The following PLEKHM3 variants were observed in gnomAD, a reference collection of about 807,000 sequenced individuals.
The protein encoded by PLEKHM3 is pleckstrin homology domain-containing family M member 3.
In PLEKHM3, 45 loss-of-function variants were observed where a neutral mutation model predicts 81.8. That is an observed-to-expected ratio of 0.55 (90% CI 0.43 to 0.71). The LOEUF (loss-of-function observed/expected upper bound fraction) is 0.71. Ranked by LOEUF, PLEKHM3 falls within the 30% of genes least tolerant of loss-of-function variation. The pLI, the probability that PLEKHM3 is intolerant of heterozygous loss-of-function variation, is 0.00. For missense variants in PLEKHM3, 788 were observed against 924.3 expected (o/e 0.85, Z 1.91); for synonymous variants, 352 against 356.4 (o/e 0.99, Z 0.14).
At chr2:207,924,072 A>C (rs1386705810) in intron 5 of PLEKHM3, among the ~76,000 whole-genome samples, 1 of 150,010 alleles carries the variant, frequency 6.7e-6, no homozygotes, top group Non-Finnish European at 1.5e-5. Flanking sequence ...TGCCCTGCTA[A>C]TTTTTGTATT....
rs1163987591 is a variant in PLEKHM3, at chr2:207,977,196, G to A, written c.1001C>T (p.Thr334Ile). 5.6e-6 allele frequency: 9 copies of A among 1,614,042 alleles called. No individual in the cohort carries two copies. The highest frequency in any genetic ancestry group is 7.6e-6 in the Non-Finnish European group (9 of 1,180,032). Residue 334 changes from threonine (T) to isoleucine (I), a missense_variant, in exon 3 of 8, where the codon ACA becomes ATA. Physicochemically the swap from Thr to Ile is moderately conservative, Grantham distance 89. Coordinates refer to ENST00000427836, the MANE Select transcript of PLEKHM3 (RefSeq NM_001080475.3). ...SPGLGHHDDY[T>I]QNHSFQKKTS... ...TTTCTTCTGGAAACTATGATTCTGT[G>A]TATAGTCATCATGATGGCCAAGCCC...
At chr2:207,917,201 A>G (rs1689020963) in intron 5 of PLEKHM3, among the ~76,000 whole-genome samples, 1 of 152,232 alleles carries the variant, frequency 6.6e-6, no homozygotes. Context: ...TCTGCAGCTA[A>G]TCTGTTAAGG....
intron 6 of PLEKHM3, among the ~76,000 whole-genome samples, chr2:207,892,229 C>T (rs1046607156): frequency 1.3e-5 from 2 of 152,160 alleles, no homozygotes; most frequent in East Asian, 1.9e-4. Context: ...AAATAGACTC[C>T]GTAAGTCATG....
intron 2 of PLEKHM3, among the ~76,000 whole-genome samples, chr2:207,980,850 C>T (rs570715187): frequency 1.5e-4 from 23 of 152,156 alleles, no homozygotes; most frequent in East Asian, 5.8e-4. Context: ...AAGAATCGGC[C>T]GGGCACGGTG....
At chr2:207,925,153 T>G (rs1179225476) in intron 5 of PLEKHM3, among the ~76,000 whole-genome samples, 2 of 151,558 alleles carry the variant, frequency 1.3e-5, no homozygotes, top group Non-Finnish European at 3.0e-5. Flanking sequence ...TTTTGTTTTT[T>G]TTTTTTAGTG....
Position 207,843,961 on chromosome 2 carries a change from T to C in PLEKHM3, c.2109-15465A>G, listed in dbSNP as rs1435970704. 6.6e-6 allele frequency among the ~76,000 whole-genome samples: 1 copy of C among 151,960 alleles called. No individual in the cohort carries two copies. Among genetic ancestry groups the C allele is most frequent in the African/African-American group, 2.4e-5 (1 of 41,352 alleles). On this transcript the variant is annotated intron_variant, in intron 7 of 7. Transcript: ENST00000427836. This position sits in a 1 kb window ranked among gnomAD's most constrained non-coding sequence, Gnocchi z 4.4. Reference sequence around the variant, plus strand: ...AACCAAGCATGGTGGCGTGCATCTGTAGTCCCAGTTACCTGGGAGGCTGAG... The same window carrying C: ...AACCAAGCATGGTGGCGTGCATCTGCAGTCCCAGTTACCTGGGAGGCTGAG...
chr2:208,018,605 C>T (rs1249884682), intron 1 of PLEKHM3, among the ~76,000 whole-genome samples: 1 of 152,120 alleles, frequency 6.6e-6, no homozygotes, highest in African/African-American at 2.4e-5. Context: ...GAATTCTCAT[C>T]TACAGCATTG....
intron 1 of PLEKHM3, among the ~76,000 whole-genome samples, chr2:208,002,902 T>C (rs1374473729): frequency 1.3e-5 from 2 of 151,108 alleles, no homozygotes; most frequent in African/African-American, 4.9e-5. Flanking sequence ...ATATACCTTT[T>C]ACCAGGAAAA....
intron 1 of PLEKHM3, among the ~76,000 whole-genome samples, chr2:208,009,064 T>TG (rs1010856938): frequency 1.3e-5 from 2 of 152,096 alleles, no homozygotes; most frequent in African/African-American, 2.4e-5. Context: ...GTGCCTACTA[T>TG]GGGGGGGACA....
intron 6 of PLEKHM3, among the ~76,000 whole-genome samples, chr2:207,870,456 A>G (rs1038727182): frequency 6.6e-6 from 1 of 152,232 alleles, no homozygotes; most frequent in Non-Finnish European, 1.5e-5. Context: ...GTCTAACCAA[A>G]AGACCCAATT....
intron 5 of PLEKHM3, among the ~76,000 whole-genome samples, chr2:207,910,819 G>A (rs1688788323): frequency 6.6e-6 from 1 of 152,164 alleles, no homozygotes; most frequent in Admixed American, 6.5e-5. Flanking sequence ...CAAGGCATGT[G>A]AGAGTCTGTT....
intron 7 of PLEKHM3, among the ~76,000 whole-genome samples, chr2:207,836,314 A>ACT (rs4024192): frequency 7.0e-6 from 1 of 143,470 alleles, no homozygotes; most frequent in Non-Finnish European, 1.5e-5. Context: ...ACAGAGAGAG[A>ACT]GTCTAAAAAA....
chr2:207,941,798 G>A (rs149443651), intron 4 of PLEKHM3, among the ~76,000 whole-genome samples: 112 of 152,242 alleles, frequency 7.4e-4, no homozygotes, highest in African/African-American at 2.3e-3. Context: ...ATTTTAAAAC[G>A]AGCAAAAGAT....
intron 5 of PLEKHM3, chr2:207,929,793 CTTT>C: frequency 1.7e-6 from 1 of 573,234 alleles, no homozygotes; most frequent in South Asian, 2.4e-5. Context: ...ACATTTAGTT[CTTT>C]TTTAGATGCC....
intron 4 of PLEKHM3, among the ~76,000 whole-genome samples, chr2:207,933,930 C>A (rs1177282325): frequency 6.6e-6 from 1 of 152,130 alleles, no homozygotes; most frequent in Non-Finnish European, 1.5e-5. Flanking sequence ...TTTTGAGAAT[C>A]AGCCACTAAT....
chr2:207,912,905 A>C (rs781063804), intron 5 of PLEKHM3, among the ~76,000 whole-genome samples: 3 of 152,120 alleles, frequency 2.0e-5, no homozygotes, highest in Non-Finnish European at 4.4e-5. Context: ...AAGACCAAAC[A>C]CAGGGAAACT....
At chr2:207,928,790 T>C (rs1480218346) in intron 5 of PLEKHM3, among the ~76,000 whole-genome samples, 1 of 152,232 alleles carries the variant, frequency 6.6e-6, no homozygotes, top group Non-Finnish European at 1.5e-5. Context: ...GGGTAGTGTA[T>C]TAGAAGTAAA....
At chr2:207,964,969 C>G (rs1233034381) in intron 3 of PLEKHM3, among the ~76,000 whole-genome samples, 1 of 152,076 alleles carries the variant, frequency 6.6e-6, no homozygotes, top group Non-Finnish European at 1.5e-5. Flanking sequence ...TAAGTTGGTA[C>G]TGCTATATTA....
intron 7 of PLEKHM3, among the ~76,000 whole-genome samples, chr2:207,840,170 G>T (rs1276319732): frequency 1.3e-5 from 2 of 152,140 alleles, no homozygotes; most frequent in East Asian, 1.9e-4. Flanking sequence ...AAAATAGGAG[G>T]TGATATTAAC....
Sources: gnomAD v4.1 joint callset for allele counts (sites outside exome capture counted in the v4.1 genomes callset) on GRCh38, gnomAD v4.1.1 for gene constraint, Gnocchi (gnomAD v3.1) non-coding constraint, MANE v1.5 for transcripts, NCBI Gene and HGNC (gene_info 2026-07-23, HGNC 2026-07-21) for gene names.